The following OVCH1 variants were observed in gnomAD, a reference collection of about 807,000 sequenced individuals.
The protein encoded by OVCH1 is ovochymase-1.
Under a neutral mutation model 138.4 loss-of-function variants are expected in OVCH1, and 139 were observed. The observed-to-expected ratio is 1.00, with a 90% CI of 0.87 to 1.16. The LOEUF (loss-of-function observed/expected upper bound fraction) is 1.16. Ranked by LOEUF, OVCH1 falls within the 50% of genes most tolerant of loss-of-function variation. The probability of loss-of-function intolerance (pLI) is 0.00; values close to 1 mark genes in which losing one functional copy is unlikely to be tolerated. For synonymous variants in OVCH1, 453 were observed against 467.8 expected (o/e 0.97, Z 0.41); for missense variants, 1,367 against 1,357.9 (o/e 1.01, Z -0.11).
At chr12:29,480,927 A>T (rs1227003994) in intron 8 of OVCH1, among the ~76,000 whole-genome samples, 1 of 152,152 alleles carries the variant, frequency 6.6e-6, no homozygotes. Context: ...ATTTTTTCAC[A>T]TTTGCACATT....
At chr12:29,413,903 G>A (rs1439967807) in intron 3 of OVCH1, among the ~76,000 whole-genome samples, 1 of 151,938 alleles carries the variant, frequency 6.6e-6, no homozygotes, top group Admixed American at 6.6e-5. Flanking sequence ...TGCTGCCTTT[G>A]CAGATAATCA....
At chr12:29,495,125 T>C (rs1254602220) in intron 4 of OVCH1, among the ~76,000 whole-genome samples, 160 bp downstream of exon 4, 1 of 152,198 alleles carries the variant, frequency 6.6e-6, no homozygotes, top group Non-Finnish European at 1.5e-5. Flanking sequence ...GCCTATACAG[T>C]ATTTTCTCAA....
intron 16 of OVCH1, among the ~76,000 whole-genome samples, chr12:29,467,249 G>T (rs920805175): frequency 2.0e-5 from 3 of 152,142 alleles, no homozygotes; most frequent in African/African-American, 4.8e-5. Context: ...TTATATAGAA[G>T]AGAGTGTATA....
intron 4 of OVCH1, among the ~76,000 whole-genome samples, chr12:29,493,916 G>T (rs1943341691): frequency 6.6e-6 from 1 of 152,152 alleles, no homozygotes; most frequent in African/African-American, 2.4e-5. Flanking sequence ...TTAAACCTGG[G>T]ATTTAAATTT....
chr12:29,465,686 T>C (rs1459523302), intron 16 of OVCH1, among the ~76,000 whole-genome samples: 3 of 152,156 alleles, frequency 2.0e-5, no homozygotes, highest in Non-Finnish European at 4.4e-5. Context: ...GAGCTCTTGA[T>C]CATGTATCCT....
intron 3 of OVCH1, among the ~76,000 whole-genome samples, chr12:29,418,279 G>C (rs1251404540): frequency 6.6e-6 from 1 of 152,178 alleles, no homozygotes; most frequent in Admixed American, 6.5e-5. Context: ...CATTAAGCAA[G>C]AAGAGGATTT....
chr12:29,495,352 T>G (rs1037888823), exon 4 of OVCH1: 2 of 1,613,234 alleles, frequency 1.2e-6, no homozygotes, highest in African/African-American at 2.7e-5. Flanking sequence ...GGCTGTTGTA[T>G]TCAGGATGGG....
rs67595567 is a variant in OVCH1 at position 29,488,620 on chromosome 12, C to CAAAAAAAAAAAAAA, written c.703-752_703-739dup. 1.5e-3 allele frequency among the ~76,000 whole-genome samples: 93 copies of CAAAAAAAAAAAAAA among 61,718 alleles called. 3 individuals carry two copies. Among genetic ancestry groups the CAAAAAAAAAAAAAA allele is most frequent in the East Asian group, 0.012 (23 of 1,848 alleles). 40.5% of individuals were successfully genotyped at this position (61,718 alleles called of 152,430 possible). A position where few individuals can be genotyped will look rare whatever the true frequency, so the allele number is the denominator to read the frequency against. ...TGGGCAACAGAGTGAGACTCCATCTCAAAAAAAAAAAAAAAAAAAAAAAGA... is the reference window on the plus strand; with the variant it reads ...TGGGCAACAGAGTGAGACTCCATCTCAAAAAAAAAAAAAAAAAAAAAAAAAAAAAAAAAAAAAGA... On this transcript the variant is annotated intron_variant, in intron 6 of 27. Coordinates refer to ENST00000318184, the Ensembl canonical transcript of OVCH1.
At chr12:29,421,928 T>C (rs1021727882) in intron 3 of OVCH1, among the ~76,000 whole-genome samples, 2 of 152,158 alleles carry the variant, frequency 1.3e-5, no homozygotes, top group African/African-American at 4.8e-5. Context: ...TATTCAATAT[T>C]ATGTTAAAAC....
At chr12:29,454,155 C>G (rs1267083597) in intron 21 of OVCH1, among the ~76,000 whole-genome samples, 1 of 149,734 alleles carries the variant, frequency 6.7e-6, no homozygotes, top group Non-Finnish European at 1.5e-5. Context: ...GCTCCTAAGA[C>G]CATCGCCTCC....
intron 13 of OVCH1, among the ~76,000 whole-genome samples, chr12:29,475,555 G>A (rs1942677360): frequency 6.6e-6 from 1 of 151,986 alleles, no homozygotes; most frequent in African/African-American, 2.4e-5. Context: ...AACACTCGAA[G>A]TCACTTTCAT....
intron 18 of OVCH1, among the ~76,000 whole-genome samples, chr12:29,463,250 A>G (rs1294558214): frequency 6.6e-6 from 1 of 152,190 alleles, no homozygotes; most frequent in Non-Finnish European, 1.5e-5. Flanking sequence ...AAAACCAGGT[A>G]GTGCGGAATG....
chr12:29,407,379 C>A, the OVCH1 span, among the ~76,000 whole-genome samples: 1 of 144,334 alleles, frequency 6.9e-6, no homozygotes, highest in East Asian at 2.0e-4. Flanking sequence ...GAAGTCCTTG[C>A]CCATGCCTAT....
rs1941659859 is a variant in OVCH1 at position 29,447,766 on chromosome 12, G to A, written c.2756-2363C>T. 2.0e-5 allele frequency among the ~76,000 whole-genome samples: 3 copies of A among 152,014 alleles called. No individual in the cohort carries two copies. The South Asian group carries it at 6.2e-4, about 32-fold the overall frequency. On this transcript the variant is annotated intron_variant, in intron 22 of 27. Coordinates refer to ENST00000318184, the Ensembl canonical transcript of OVCH1. ...GATCAAAGCTACTAATGAAATGAAAGCCAATGTAATAGACAATGACTGTGG... is the reference window on the plus strand; with the variant it reads ...GATCAAAGCTACTAATGAAATGAAAACCAATGTAATAGACAATGACTGTGG...
At chr12:29,491,053 A>C (rs1943258757) in intron 5 of OVCH1, 44 bp downstream of exon 5, 1 of 1,500,384 alleles carries the variant, frequency 6.7e-7, no homozygotes, top group South Asian at 1.1e-5. Flanking sequence ...CCCTGGACAT[A>C]CAGAGAGCTG....
intron 16 of OVCH1, among the ~76,000 whole-genome samples, chr12:29,470,083 A>C (rs1013161337): frequency 3.9e-5 from 6 of 152,230 alleles, no homozygotes; most frequent in African/African-American, 1.4e-4. Flanking sequence ...AATATAAACT[A>C]CAATTGTTAC....
intron 3 of OVCH1, among the ~76,000 whole-genome samples, chr12:29,414,820 T>A (rs1941011500): frequency 6.6e-6 from 1 of 152,142 alleles, no homozygotes; most frequent in Non-Finnish European, 1.5e-5. Context: ...TTCATATGAA[T>A]TGTGGAAAGG....
At chr12:29,405,056 A>AAAC in the OVCH1 span, among the ~76,000 whole-genome samples, 14 of 112,114 alleles carry the variant, frequency 1.2e-4, no homozygotes, top group African/African-American at 4.4e-4. Flanking sequence ...AAAAAAAAAA[A>AAAC]CAAAAGAAAT....
chr12:29,433,372 T>C (rs780005314), intron 27 of OVCH1, among the ~76,000 whole-genome samples: 5 of 152,172 alleles, frequency 3.3e-5, no homozygotes, highest in Non-Finnish European at 7.3e-5. Flanking sequence ...TCTTGCCTGC[T>C]GCCACATAAG....
Sources: gnomAD v4.1 joint callset for allele counts (sites outside exome capture counted in the v4.1 genomes callset) on GRCh38, gnomAD v4.1.1 for gene constraint, MANE v1.5 for transcripts, NCBI Gene and HGNC (gene_info 2026-07-23, HGNC 2026-07-21) for gene names.